ARHGEF4: variants seen among roughly 807,000 people sequenced by gnomAD.
ARHGEF4 encodes the protein APC-stimulated guanine nucleotide exchange factor 1.
Under a neutral mutation model 162.0 loss-of-function variants are expected in ARHGEF4, and 119 were observed. That is an observed-to-expected ratio of 0.73 (90% CI 0.63 to 0.86). ARHGEF4 has a LOEUF of 0.86. Ranked by LOEUF, ARHGEF4 falls within the 40% of genes least tolerant of loss-of-function variation. ARHGEF4 has a pLI of 0.00. For missense variants in ARHGEF4, 2,488 were observed against 2,456.0 expected (o/e 1.01, Z -0.28); for synonymous variants, 1,014 against 979.9 (o/e 1.03, Z -0.65).
intron 4 of ARHGEF4, among the ~76,000 whole-genome samples, chr2:130,969,615 T>TATGTCAA (rs1034714788): frequency 1.2e-4 from 19 of 152,054 alleles, no homozygotes; most frequent in African/African-American, 4.6e-4. Context: ...AAAAAAATCA[T>TATGTCAA]ATGTCAAACT....
intron 2 of ARHGEF4, among the ~76,000 whole-genome samples, chr2:130,928,915 ATCTG>A (rs919335756): frequency 6.6e-6 from 1 of 152,024 alleles, no homozygotes; most frequent in African/African-American, 2.4e-5. Flanking sequence ...TCTCTATTCT[ATCTG>A]TCTGTCTAGT....
chr2:130,890,681 A>G (rs1257729625), intron 1 of ARHGEF4, among the ~76,000 whole-genome samples: 6 of 152,088 alleles, frequency 3.9e-5, no homozygotes, highest in South Asian at 2.1e-4. Flanking sequence ...CGTTAAAGCT[A>G]TCTATTGAGT....
In ARHGEF4 at chr2:130,946,586, T is replaced by C. The variant is rs780117629; in HGVS notation, c.3936T>C (p.Ala1312=). Residue 1312 remains alanine, a synonymous_variant, in exon 4 of 14, where the codon GCT becomes GCC. Coordinates refer to ENST00000409359, the MANE Select transcript of ARHGEF4 (RefSeq NM_001367493.1). Reference sequence around the variant, plus strand: ...GAAGCCATCCACTCTCCCAGAGTGCTCCAACGGGACTGAACCACATGGGCT... The same window carrying C: ...GAAGCCATCCACTCTCCCAGAGTGCCCCAACGGGACTGAACCACATGGGCT... The part of the protein sequence containing the change: ...PRRSHPLSQS[A]PTGLNHMGWP... 6 of 1,613,992 alleles carry C rather than the reference T, an allele frequency of 3.7e-6. No homozygotes were observed. The highest frequency in any genetic ancestry group is 5.1e-6 in the Non-Finnish European group (6 of 1,179,968).
At position 130,916,255 on chromosome 2, in the gene ARHGEF4, C is replaced by A. The variant is rs763129110; in HGVS notation, c.2309C>A (p.Pro770His). The change falls in exon 2 of 14, where the codon CCC (proline) becomes CAC (histidine). Residue 770 changes from proline to histidine, a missense_variant. By Grantham distance (77) the Pro-to-His change is moderately conservative. This residue lies in a region of ARHGEF4 where 1,642 missense variants were observed against 1,481.5 expected (regional missense o/e 1.11). Coordinates refer to ENST00000409359, the MANE Select transcript of ARHGEF4 (RefSeq NM_001367493.1). Reference protein sequence around the residue: ...AAARGQRPRVPALEPPQPPRG... With the variant: ...AAARGQRPRVHALEPPQPPRG... ...GCCCGGGGCCAGCGCCCCCGCGTCC[C>A]CGCCTTGGAGCCGCCCCAGCCGCCA... is the stretch of plus-strand genomic sequence containing the variant. 6.6e-7 allele frequency: 1 copy of A among 1,526,630 alleles called. No individual in the cohort carries two copies. The highest frequency in any genetic ancestry group is 2.1e-5 in the Admixed American group (1 of 47,116). 94.6% of individuals were successfully genotyped at this position (1,526,630 alleles called of 1,614,324 possible). A position where few individuals can be genotyped will look rare whatever the true frequency, so the allele number is the denominator to read the frequency against.
intron 6 of ARHGEF4, 55 bp from the exon 7 acceptor site, chr2:131,039,961 G>A (rs894052181): frequency 1.4e-5 from 21 of 1,535,870 alleles, no homozygotes; most frequent in Non-Finnish European, 9.6e-6. Flanking sequence ...GGCGCAGGGC[G>A]CGGGGCGTTG....
chr2:130,988,845 T>C (rs1325907732), intron 4 of ARHGEF4, among the ~76,000 whole-genome samples: 3 of 148,918 alleles, frequency 2.0e-5, no homozygotes, highest in Non-Finnish European at 4.4e-5. Context: ...TCTCCACATA[T>C]ATTTGTGTGT....
At position 130,843,643 on chromosome 2, in the gene ARHGEF4, G is replaced by A. The variant is rs755024823; in HGVS notation, c.39+6651G>A. On this transcript the variant is annotated intron_variant, in intron 1 of 13. Coordinates refer to ENST00000409359, the MANE Select transcript of ARHGEF4 (RefSeq NM_001367493.1). ...TCCAGACCCTGCCTCTGCCCCGTTG[G>A]GCTCTCCCCTGACCTCACCAGATGG... Among the ~76,000 whole-genome samples, 3 of 152,180 alleles carry A rather than the reference G, an allele frequency of 2.0e-5. No individual in the cohort carries two copies. The South Asian group carries it at 6.2e-4, about 31-fold the overall frequency.
At position 130,916,403 on chromosome 2, in the gene ARHGEF4, C is replaced by T; in HGVS notation, c.2457C>T (p.Thr819=). Residue 819 remains threonine (T), a synonymous_variant, in exon 2 of 14, where the codon ACC becomes ACT. Coordinates refer to ENST00000409359, the MANE Select transcript of ARHGEF4 (RefSeq NM_001367493.1). ...CAGGAGGGGTCCCGGCCCCGACCAC[C>T]GAGGGTCGCCGCTGGGGCTCTTCAG... ...ESPGGVPAPT[T]EGRRWGSSGP... is the part of the protein sequence containing the mutation. The T allele has an allele frequency of 3.3e-6, 5 of 1,528,896 alleles. No homozygotes were observed. Among genetic ancestry groups the T allele is most frequent in the Non-Finnish European group, 4.4e-6 (5 of 1,141,414 alleles). 94.7% of individuals were successfully genotyped at this position (1,528,896 alleles called of 1,614,324 possible). A position where few individuals can be genotyped will look rare whatever the true frequency, so the allele number is the denominator to read the frequency against.
At chr2:131,045,702 C>T in intron 13 of ARHGEF4, 1 of 1,452,358 alleles carries the variant, frequency 6.9e-7, no homozygotes. Flanking sequence ...GCTTGTTTCC[C>T]CAGGGTTCCT....
chr2:131,032,363 G>T (rs996261572), intron 5 of ARHGEF4, among the ~76,000 whole-genome samples: 2 of 151,916 alleles, frequency 1.3e-5, no homozygotes, highest in East Asian at 1.9e-4. Context: ...ACTCTGACTC[G>T]CTCCAGGTGT....
intron 5 of ARHGEF4, among the ~76,000 whole-genome samples, chr2:131,029,824 G>A (rs1272299856): frequency 6.6e-6 from 1 of 152,246 alleles, no homozygotes; most frequent in Non-Finnish European, 1.5e-5. Context: ...AAAGTGCTGG[G>A]ATTACAAGCG....
intron 4 of ARHGEF4, among the ~76,000 whole-genome samples, chr2:130,975,937 C>T (rs1159350164): frequency 1.3e-5 from 2 of 152,180 alleles, no homozygotes; most frequent in African/African-American, 2.4e-5. Context: ...TCCATTCTCA[C>T]TGCAGTTGTT....
Position 130,892,648 on chromosome 2 carries a change from T to G in ARHGEF4, c.40-21338T>G, listed in dbSNP as rs549297089. 1.5e-4 allele frequency among the ~76,000 whole-genome samples: 23 copies of G among 152,326 alleles called. No individual in the cohort carries two copies. In the East Asian group the frequency reaches 4.4e-3, roughly 29 times the overall value. ...AAGGGCACAGAGCCTACTGGCAGGCTGAGGACTACAGCCAGGGTGGAGCCC... is the reference window on the plus strand; with the variant it reads ...AAGGGCACAGAGCCTACTGGCAGGCGGAGGACTACAGCCAGGGTGGAGCCC... On this transcript the variant is annotated intron_variant, in intron 1 of 13. Coordinates refer to ENST00000409359, the MANE Select transcript of ARHGEF4 (RefSeq NM_001367493.1).
Position 130,914,947 on chromosome 2 carries a change from T to C in ARHGEF4, c.1001T>C (p.Leu334Pro). The change falls in exon 2 of 14, where the codon CTG (leucine) becomes CCG (proline). Residue 334 changes from leucine to proline, a missense_variant. Leu to Pro is a moderately conservative substitution (Grantham distance 98). This residue lies in a region of ARHGEF4 where 1,642 missense variants were observed against 1,481.5 expected (regional missense o/e 1.11). Transcript: ENST00000409359. ...PRLNCGHMRA[L>P]VRAHSIAGFS... ...CTCAACTGTGGGCACATGAGGGCACTGGTCAGGGCCCATTCCATAGCAGGG... is the reference window on the plus strand; with the variant it reads ...CTCAACTGTGGGCACATGAGGGCACCGGTCAGGGCCCATTCCATAGCAGGG... 1 of 1,546,884 alleles carries C rather than the reference T, an allele frequency of 6.5e-7. No homozygotes were observed. The highest frequency in any genetic ancestry group is 8.7e-7 in the Non-Finnish European group (1 of 1,144,754).
chr2:131,006,288 A>C (rs913302598), intron 4 of ARHGEF4, among the ~76,000 whole-genome samples: 3 of 152,236 alleles, frequency 2.0e-5, no homozygotes, highest in African/African-American at 7.2e-5. Flanking sequence ...TGTGACTCCA[A>C]GCAGAGAACC....
chr2:130,967,198 T>A (rs1685062125), intron 4 of ARHGEF4, among the ~76,000 whole-genome samples: 1 of 152,248 alleles, frequency 6.6e-6, no homozygotes, highest in Admixed American at 6.5e-5. Context: ...TCCTTGAATT[T>A]TAAATGCTCT....
intron 1 of ARHGEF4, among the ~76,000 whole-genome samples, chr2:130,868,996 T>C (rs778796884): frequency 2.6e-5 from 4 of 152,192 alleles, no homozygotes; most frequent in Non-Finnish European, 5.9e-5. Context: ...ATAATCTGGG[T>C]TATCTCCCCA....
chr2:130,949,998 G>A (rs1172656505), intron 4 of ARHGEF4, among the ~76,000 whole-genome samples: 10 of 152,230 alleles, frequency 6.6e-5, no homozygotes, highest in Admixed American at 6.5e-4. Context: ...TTGCTCGTCT[G>A]TGAGGACAGC....
intron 4 of ARHGEF4, among the ~76,000 whole-genome samples, chr2:131,009,142 G>A (rs1688301440): frequency 6.6e-6 from 1 of 152,232 alleles, no homozygotes; most frequent in African/African-American, 2.4e-5. Context: ...AGCAGACATT[G>A]TGGTGGTGTC....
Sources: gnomAD v4.1 joint callset for allele counts (sites outside exome capture counted in the v4.1 genomes callset) on GRCh38, gnomAD v4.1.1 for gene constraint, gnomAD v4.1.1 regional missense constraint, MANE v1.5 for transcripts, NCBI Gene and HGNC (gene_info 2026-07-23, HGNC 2026-07-21) for gene names.